Variants in CGN observed in about 807,000 individuals in gnomAD.
CGN encodes the protein cingulin.
CGN carries 121 observed loss-of-function variants against 157.1 expected under a neutral mutation model. The observed-to-expected ratio is 0.77, with a 90% CI of 0.66 to 0.90. The LOEUF (loss-of-function observed/expected upper bound fraction) is 0.90. Ranked by LOEUF, CGN falls within the 40% of genes least tolerant of loss-of-function variation. CGN has a pLI of 0.00. For missense variants in CGN, 1,424 were observed against 1,520.9 expected (o/e 0.94, Z 1.06); for synonymous variants, 535 against 607.5 (o/e 0.88, Z 1.76).
intron 1 of CGN, among the ~76,000 whole-genome samples, chr1:151,513,056 T>C (rs1486659536): frequency 6.6e-6 from 1 of 152,216 alleles, no homozygotes; most frequent in African/African-American, 2.4e-5. Flanking sequence ...CCCTGTCACA[T>C]ACTGGCCTGT....
In CGN at chr1:151,518,657, A is replaced by G; in HGVS notation, c.138A>G (p.Ala46=). ...RRGGRRPAKD[A]RASTYGVAVR... is the part of the protein sequence containing the mutation. ...GTGGACGACGCCCAGCTAAGGATGC[A>G]AGAGCCAGTACCTACGGGGTTGCTG... The change falls in exon 2 of 21, where the codon GCA becomes GCG. Residue 46 remains alanine (A), a synonymous_variant. Coordinates refer to ENST00000271636, the MANE Select transcript of CGN (RefSeq NM_020770.3). 6.2e-7 allele frequency: 1 copy of G among 1,614,170 alleles called. No homozygotes were observed. The highest frequency in any genetic ancestry group is 8.5e-7 in the Non-Finnish European group (1 of 1,180,030).
At position 151,519,152 on chromosome 1, in the gene CGN, G is replaced by T. The variant is rs1268759540; in HGVS notation, c.633G>T (p.Arg211=). The change falls in exon 2 of 21, where the codon CGG becomes CGT. Residue 211 remains arginine (R), a synonymous_variant. Coordinates refer to ENST00000271636, the MANE Select transcript of CGN (RefSeq NM_020770.3). ...TRMLPPEQRK[R]SKSLDSRLPR... ...TGCTACCCCCTGAACAGCGCAAACG[G>T]AGCAAGAGCCTGGACAGCCGCCTCC... is the stretch of plus-strand genomic sequence containing the variant. 6.2e-7 allele frequency: 1 copy of T among 1,614,014 alleles called. No individual in the cohort carries two copies. Among genetic ancestry groups the T allele is most frequent in the Admixed American group, 1.7e-5 (1 of 60,026 alleles).
chr1:151,513,228 G>A, intron 1 of CGN, among the ~76,000 whole-genome samples: 1 of 152,184 alleles, frequency 6.6e-6, no homozygotes, highest in East Asian at 1.9e-4. Flanking sequence ...TGCTTTACAA[G>A]CTGCCAGTGT....
intron 12 of CGN, 148 bp downstream of exon 12, chr1:151,530,263 T>A (rs1355970347): frequency 3.1e-5 from 31 of 1,013,556 alleles, no homozygotes; most frequent in Non-Finnish European, 1.7e-5. Context: ...GTTTATTTCC[T>A]GGTGTATACT....
chr1:151,522,781 A>AT (rs1170977194), intron 5 of CGN, among the ~76,000 whole-genome samples: 1 of 151,780 alleles, frequency 6.6e-6, no homozygotes, highest in Admixed American at 6.6e-5. Flanking sequence ...AGGTGAGGTG[A>AT]TGCATGCCTG....
chr1:151,536,687 T>C, intron 19 of CGN, 43 bp from the exon 20 acceptor site: 2 of 1,600,456 alleles, frequency 1.2e-6, no homozygotes, highest in Non-Finnish European at 1.7e-6. Flanking sequence ...CAGGCCATGG[T>C]AGTAGATGCT....
chr1:151,526,497 A>G (rs1664685161), intron 9 of CGN, among the ~76,000 whole-genome samples: 1 of 136,808 alleles, frequency 7.3e-6, no homozygotes, highest in African/African-American at 2.8e-5. Context: ...TTTTTGAGAC[A>G]GGGTCTTGCT....
chr1:151,536,774 A>G lies in CGN; in HGVS notation c.3351A>G (p.Ala1117=). 6.2e-7 allele frequency: 1 copy of G among 1,614,172 alleles called. No homozygotes were observed. The highest frequency in any genetic ancestry group is 8.5e-7 in the Non-Finnish European group (1 of 1,180,032). The change falls in exon 20 of 21, where the codon GCA becomes GCG. Residue 1117 remains alanine, a synonymous_variant. Transcript: ENST00000271636. ...VKALKRQVDE[A]EEEIERLDGL... is the part of the protein sequence containing the mutation. ...CTTTGAAGCGTCAGGTGGATGAAGCAGAAGAGGAAATTGAGCGACTGGACG... is the reference window on the plus strand; with the variant it reads ...CTTTGAAGCGTCAGGTGGATGAAGCGGAAGAGGAAATTGAGCGACTGGACG...
At chr1:151,532,638 G>A (rs1205617060) in intron 14 of CGN, 66 bp downstream of exon 14, 7 of 1,095,806 alleles carry the variant, frequency 6.4e-6, no homozygotes, top group Middle Eastern at 3.4e-4. Flanking sequence ...TTTTTTGTCC[G>A]AGACAGAGTC....
In CGN at chr1:151,535,080, G is replaced by A. The variant is rs1302274642; in HGVS notation, c.2943G>A (p.Glu981=). ...GGCTGGAAACAGAGTTAGATGAGGA[G>A]AAGAACACCGTGGAGCTGCTAACAG... is the stretch of plus-strand genomic sequence containing the variant. The part of the protein sequence containing the change: ...VSRLETELDE[E]KNTVELLTDR... Residue 981 remains glutamate, a synonymous_variant, in exon 16 of 21, where the codon GAG becomes GAA. Coordinates refer to ENST00000271636, the MANE Select transcript of CGN (RefSeq NM_020770.3). 3 of 1,614,000 alleles carry A rather than the reference G, an allele frequency of 1.9e-6. No individual in the cohort carries two copies. The African/African-American group carries it at 4.0e-5, about 22-fold the overall frequency.
At chr1:151,528,148 A>T (rs1664738741) in intron 10 of CGN, among the ~76,000 whole-genome samples, 2 of 150,192 alleles carry the variant, frequency 1.3e-5, no homozygotes, top group African/African-American at 4.9e-5. Flanking sequence ...TACAAAAAAA[A>T]TACACGTACT....
At position 151,518,780 on chromosome 1, in the gene CGN, C is replaced by G; in HGVS notation, c.261C>G (p.Asp87Glu). 1 of 1,614,092 alleles carries G rather than the reference C, an allele frequency of 6.2e-7. No homozygotes were observed. The highest frequency in any genetic ancestry group is 8.5e-7 in the Non-Finnish European group (1 of 1,179,980). ...SFGVQIKGAN[D>E]QGASGALSSD... is the part of the protein sequence containing the mutation. The stretch of plus-strand genomic sequence containing the variant: ...GGGTCCAAATCAAGGGGGCCAATGA[C>G]CAAGGGGCCTCAGGAGCTCTGAGCT... The change falls in exon 2 of 21, where the codon GAC becomes GAG. Residue 87 changes from aspartate to glutamate, a missense_variant. Around this residue, in one of 3 missense-constraint regions of CGN, gnomAD observed 1,187 missense variants for 1,217.6 expected, o/e 0.97. Coordinates refer to ENST00000271636, the MANE Select transcript of CGN (RefSeq NM_020770.3).
Position 151,524,621 on chromosome 1 carries a change from A to C in CGN, c.1402-53A>C. On this transcript the variant is annotated intron_variant, in intron 7 of 20. Transcript: ENST00000271636. The surrounding 1 kb of genome is among the most constrained non-coding windows in gnomAD (Gnocchi z 4.4). ...ATTTTTTGACTCAGTGAATTGATAA[A>C]CAGATGGATTCTAATATGGTCACCC... 6.8e-7 allele frequency: 1 copy of C among 1,470,548 alleles called. No homozygotes were observed. Among genetic ancestry groups the C allele is most frequent in the Non-Finnish European group, 9.3e-7 (1 of 1,076,928 alleles). 91.1% of individuals were successfully genotyped at this position (1,470,548 alleles called of 1,614,324 possible).
Position 151,518,991 on chromosome 1 carries a change from G to A in CGN, c.472G>A (p.Glu158Lys). 1 of 1,614,162 alleles carries A rather than the reference G, an allele frequency of 6.2e-7. No individual in the cohort carries two copies. Among genetic ancestry groups the A allele is most frequent in the East Asian group, 2.2e-5 (1 of 44,886 alleles). ...TAGTAACAGAAGCAACAGCATGCTGGAGCTAGCCCCGAAAGTGGCTTCCCC... is the reference window on the plus strand; with the variant it reads ...TAGTAACAGAAGCAACAGCATGCTGAAGCTAGCCCCGAAAGTGGCTTCCCC... ...DPSNRSNSML[E>K]LAPKVASPGS... Residue 158 changes from glutamate to lysine, a missense_variant, in exon 2 of 21, where the codon GAG becomes AAG. This residue lies in a region of CGN where 1,187 missense variants were observed against 1,217.6 expected (regional missense o/e 0.97). Coordinates refer to ENST00000271636, the MANE Select transcript of CGN (RefSeq NM_020770.3).
At chr1:151,534,199 A>G in intron 15 of CGN, 63 bp downstream of exon 15, 1 of 1,470,740 alleles carries the variant, frequency 6.8e-7, no homozygotes, top group Non-Finnish European at 9.1e-7. Context: ...TTTCTGTACT[A>G]GCGGTCAAAA....
At chr1:151,527,228 C>A in intron 10 of CGN, 121 bp downstream of exon 10, 1 of 1,028,932 alleles carries the variant, frequency 9.7e-7, no homozygotes. Context: ...AGGCCTCATC[C>A]TGCCTGCTCA....
rs550137068 is a variant in CGN, at chr1:151,530,613, G to A, written c.2438G>A (p.Gly813Glu). 1 of 1,610,740 alleles carries A rather than the reference G, an allele frequency of 6.2e-7. No homozygotes were observed. Among genetic ancestry groups the A allele is most frequent in the Admixed American group, 1.7e-5 (1 of 59,380 alleles). The change falls in exon 13 of 21, where the codon GGG (glycine) becomes GAG (glutamate). Residue 813 changes from glycine (G) to glutamate (E), a missense_variant. Physicochemically the swap from Gly to Glu is moderately conservative, Grantham distance 98. This residue lies in a region of CGN where 1,187 missense variants were observed against 1,217.6 expected (regional missense o/e 0.97). Transcript: ENST00000271636. The part of the protein sequence containing the change: ...EEAQRGLARL[G>E]QEQQTLNRAL... ...GCTCAGCGGGGGCTGGCCCGCCTGGGGCAGGAGCAGCAGACACTGAACCGG... is the reference window on the plus strand; with the variant it reads ...GCTCAGCGGGGGCTGGCCCGCCTGGAGCAGGAGCAGCAGACACTGAACCGG...
At chr1:151,528,794 G>A (rs1027718109) in intron 10 of CGN, among the ~76,000 whole-genome samples, 2 of 151,742 alleles carry the variant, frequency 1.3e-5, no homozygotes, top group East Asian at 1.9e-4. Flanking sequence ...CCTCAAAGGC[G>A]CCAAACCCAT....
chr1:151,523,717 C>G (rs1284328357), intron 6 of CGN, among the ~76,000 whole-genome samples, 156 bp downstream of exon 6: 3 of 152,266 alleles, frequency 2.0e-5, no homozygotes, highest in Non-Finnish European at 4.4e-5. Flanking sequence ...GGGCCTTTCT[C>G]TCTACCTTCT....
Sources: allele counts gnomAD v4.1 joint callset (sites outside exome capture counted in the v4.1 genomes callset), GRCh38; gene constraint gnomAD v4.1.1; regional missense constraint gnomAD v4.1.1; non-coding constraint Gnocchi (gnomAD v3.1); transcripts MANE v1.5; gene names NCBI Gene and HGNC (gene_info 2026-07-23, HGNC 2026-07-21).